CACNA1A: variants seen among roughly 807,000 people sequenced by gnomAD.
CACNA1A encodes voltage-dependent P/Q-type calcium channel subunit alpha-1A.
In CACNA1A, 57 loss-of-function variants were observed where a neutral mutation model predicts 262.4. That is an observed-to-expected ratio of 0.22 (90% confidence interval 0.18 to 0.27). CACNA1A has a LOEUF of 0.27. CACNA1A is among the 10% of genes least tolerant of loss of function. The probability of loss-of-function intolerance (pLI) is 1.00; values close to 1 mark genes in which losing one functional copy is unlikely to be tolerated. For synonymous variants in CACNA1A, 1,431 were observed against 1,419.3 expected (o/e 1.01, Z -0.18); for missense variants, 2,526 against 3,562.8 (o/e 0.71, Z 7.41).
intron 6 of CACNA1A, among the ~76,000 whole-genome samples, chr19:13,340,437 T>C (rs1473365530): frequency 6.7e-6 from 1 of 150,096 alleles, no homozygotes; most frequent in Admixed American, 6.6e-5. Flanking sequence ...TTTTTTTTTT[T>C]TTTTTTTGAG....
chr19:13,237,447 T>C (rs2055913707), intron 31 of CACNA1A, among the ~76,000 whole-genome samples: 1 of 152,136 alleles, frequency 6.6e-6, no homozygotes, highest in African/African-American at 2.4e-5. Flanking sequence ...TGTCCTAGTT[T>C]GGGTGACATG....
At chr19:13,441,885 C>T (rs1369175019) in intron 3 of CACNA1A, among the ~76,000 whole-genome samples, 1 of 152,072 alleles carries the variant, frequency 6.6e-6, no homozygotes, top group East Asian at 1.9e-4. Context: ...CTCAGTCGGC[C>T]CCCAAACCTG....
chr19:13,275,584 A>G (rs996875083), intron 24 of CACNA1A: 55 of 507,182 alleles, frequency 1.1e-4, no homozygotes, highest in Non-Finnish European at 1.4e-5. Context: ...GCTGCACAGC[A>G]AGGGGCCAGT....
chr19:13,350,297 G>A (rs1260866075), intron 6 of CACNA1A, among the ~76,000 whole-genome samples: 4 of 152,086 alleles, frequency 2.6e-5, no homozygotes, highest in African/African-American at 9.7e-5. Flanking sequence ...CGGATGGTGA[G>A]AACTCCAGTT....
rs369172632 is a variant in CACNA1A at position 13,335,917 on chromosome 19, G to A, written c.979-8C>T. On this transcript the variant is annotated splice_region_variant and splice_polypyrimidine_tract_variant and intron_variant, in intron 6 of 46. Transcript: ENST00000360228. The stretch of plus-strand genomic sequence containing the variant: ...CCCTGAGGCATCGTTGCTCTGTAGG[G>A]TGTGAGGAGGGAAAGCAGGTGAGAG... The A allele has an allele frequency of 9.6e-6, 15 of 1,554,964 alleles. No individual in the cohort carries two copies. The African/African-American group carries it at 1.1e-4, about 11-fold the overall frequency.
intron 30 of CACNA1A, among the ~76,000 whole-genome samples, chr19:13,252,174 C>A (rs2056417119): frequency 1.3e-5 from 2 of 150,306 alleles, no homozygotes; most frequent in Non-Finnish European, 3.0e-5. Flanking sequence ...AATATCTTCC[C>A]ACCTCAGCCT....
At chr19:13,360,265 G>GTGTATATATATATATATATATATATATA (rs941666561) in intron 5 of CACNA1A, among the ~76,000 whole-genome samples, 87 of 124,142 alleles carry the variant, frequency 7.0e-4, no homozygotes, top group Non-Finnish European at 1.1e-3. Flanking sequence ...GTGTGTGTGT[G>GTGTATATATATATATATATATATATATA]TATATATATA....
intron 38 of CACNA1A, among the ~76,000 whole-genome samples, chr19:13,221,660 C>G (rs1011056628): frequency 1.3e-5 from 2 of 152,160 alleles, no homozygotes. Flanking sequence ...TCCGCCAAAG[C>G]TGCACTGGTC....
At position 13,388,455 on chromosome 19, in the gene CACNA1A, C is replaced by T. The variant is rs1416269712; in HGVS notation, c.540-16676G>A. 2.0e-5 allele frequency among the ~76,000 whole-genome samples: 3 copies of T among 152,076 alleles called. No individual in the cohort carries two copies. In the East Asian group the frequency reaches 5.8e-4, roughly 29 times the overall value. ...ATTTTTAGTAGAGACAGGGTTTCAT[C>T]ATGTTGGCCAGGCTGGTCTCGAACT... On this transcript the variant is annotated intron_variant, in intron 3 of 46. Coordinates refer to ENST00000360228, the MANE Select transcript of CACNA1A (RefSeq NM_001127222.2).
chr19:13,461,110 C>T (rs1267413671), intron 1 of CACNA1A, among the ~76,000 whole-genome samples: 7 of 152,018 alleles, frequency 4.6e-5, no homozygotes, highest in African/African-American at 7.2e-5. Flanking sequence ...GAGGCCGAGG[C>T]GGGTGGATCA....
chr19:13,271,100 T>G (rs951927723), intron 24 of CACNA1A, among the ~76,000 whole-genome samples: 2 of 140,062 alleles, frequency 1.4e-5, no homozygotes, highest in Non-Finnish European at 3.1e-5. Flanking sequence ...GCAAACAGGC[T>G]GCCAAATTCC....
intron 1 of CACNA1A, among the ~76,000 whole-genome samples, chr19:13,480,103 C>T (rs879625269): frequency 9.2e-5 from 14 of 152,318 alleles, no homozygotes; most frequent in South Asian, 4.1e-4. Flanking sequence ...TAGCATATTA[C>T]GTATTTGTAG....
chr19:13,242,913 G>A (rs990444400), intron 31 of CACNA1A, among the ~76,000 whole-genome samples: 1 of 152,140 alleles, frequency 6.6e-6, no homozygotes, highest in Admixed American at 6.6e-5. Flanking sequence ...TACTGCAAGG[G>A]TCCTGATGTC....
At chr19:13,223,184 C>A (rs1189345967) in intron 38 of CACNA1A, among the ~76,000 whole-genome samples, 1 of 151,494 alleles carries the variant, frequency 6.6e-6, no homozygotes, top group Non-Finnish European at 1.5e-5. Context: ...GCCACCATGT[C>A]CAGTTAATTT....
intron 5 of CACNA1A, chr19:13,363,329 TC>T (rs1197040458): frequency 6.6e-6 from 1 of 151,842 alleles, no homozygotes; most frequent in African/African-American, 2.4e-5. Flanking sequence ...TCTCTCTCTC[TC>T]TCTCTCTCGC....
At chr19:13,357,109 T>G (rs1466254088) in intron 6 of CACNA1A, among the ~76,000 whole-genome samples, 2 of 152,192 alleles carry the variant, frequency 1.3e-5, no homozygotes, top group East Asian at 3.8e-4. Flanking sequence ...TGCTGCCTAC[T>G]CCCAACTAAA....
chr19:13,409,864 G>A (rs1056472224), intron 3 of CACNA1A, among the ~76,000 whole-genome samples: 2 of 151,940 alleles, frequency 1.3e-5, no homozygotes, highest in African/African-American at 4.8e-5. Flanking sequence ...CACTGCACTC[G>A]GTCTACCCAC....
rs1235870142 is a variant in CACNA1A at position 13,207,518 on chromosome 19, G to A, written c.7316C>T (p.Pro2439Leu). 1 of 1,435,930 alleles carries A rather than the reference G, an allele frequency of 7.0e-7. No homozygotes were observed. The allele number at this position is 1,435,930 out of a possible 1,614,324, so 88.9% of individuals were successfully genotyped here. A position where few individuals can be genotyped will look rare whatever the true frequency, so the allele number is the denominator to read the frequency against. Residue 2439 changes from proline to leucine, a missense_variant, in exon 47 of 47, where the codon CCC becomes CTC. Transcript: ENST00000360228. This position sits in a 1 kb window ranked among gnomAD's most constrained non-coding sequence, Gnocchi z 5.7. Reference protein sequence around the residue: ...AMAGAYDAPPPVRHASSGATG... With the variant: ...AMAGAYDAPPLVRHASSGATG... Reference sequence around the variant, plus strand: ...GGCGCCCGAGGACGCGTGTCGTACGGGGGGTGGCGCGTCGTAGGCCCCGGC... The same window carrying A: ...GGCGCCCGAGGACGCGTGTCGTACGAGGGGTGGCGCGTCGTAGGCCCCGGC...
chr19:13,421,610 C>T (rs1209863661), intron 3 of CACNA1A, among the ~76,000 whole-genome samples: 4 of 152,126 alleles, frequency 2.6e-5, no homozygotes, highest in Non-Finnish European at 5.9e-5. Flanking sequence ...CAGAGGGATT[C>T]ATGCTCTCAT....
Sources: gnomAD v4.1 joint callset for allele counts (sites outside exome capture counted in the v4.1 genomes callset) on GRCh38, gnomAD v4.1.1 for gene constraint, Gnocchi (gnomAD v3.1) non-coding constraint, MANE v1.5 for transcripts, NCBI Gene and HGNC (gene_info 2026-07-23, HGNC 2026-07-21) for gene names.